The following DUSP8 variants were observed in gnomAD, a reference collection of about 807,000 sequenced individuals.
The protein encoded by DUSP8 is dual specificity protein phosphatase 8.
Under a neutral mutation model 38.7 loss-of-function variants are expected in DUSP8, and 15 were observed. The observed-to-expected ratio is 0.39, with a 90% CI of 0.26 to 0.60. The LOEUF (loss-of-function observed/expected upper bound fraction) is 0.60. DUSP8 is among the 20% of genes least tolerant of loss of function. DUSP8 has a pLI of 0.56. For synonymous variants in DUSP8, 458 were observed against 433.9 expected (o/e 1.06, Z -0.69); for missense variants, 768 against 915.0 (o/e 0.84, Z 2.07).
chr11:1,554,620 G>A lies in DUSP8; in HGVS notation c.*1898C>T. On this transcript the variant is annotated 3_prime_UTR_variant, in exon 7 of 7. Transcript: ENST00000397374. ...AGACAGCCCCCCTCAACGGCCTGCA[G>A]AAGGGACAAGGGGAAGGGGGAAGGG... The A allele has an allele frequency of 2.0e-6, 2 of 987,138 alleles. No homozygotes were observed. Among genetic ancestry groups the A allele is most frequent in the Non-Finnish European group, 2.4e-6 (2 of 829,444 alleles). 61.1% of individuals were successfully genotyped at this position (987,138 alleles called of 1,614,324 possible).
In DUSP8 at chr11:1,557,472, G is replaced by A. The variant is rs759328894; in HGVS notation, c.924C>T (p.Gly308=). 36 of 1,565,452 alleles carry A rather than the reference G, an allele frequency of 2.3e-5. No individual in the cohort carries two copies. The highest frequency in any genetic ancestry group is 2.9e-5 in the Non-Finnish European group (34 of 1,166,984). ...RSLKLLAALQ[G]DPGTPSGTPE... ...GCGTCCCTGAGGGGGTGCCCGGGTC[G>A]CCCTGCAGGGCGGCCAGCAGCTTCA... The change falls in exon 7 of 7, where the codon GGC becomes GGT. Residue 308 remains glycine (G), a synonymous_variant. Transcript: ENST00000397374. The surrounding 1 kb of genome is among the most constrained non-coding windows in gnomAD (Gnocchi z 9.9).
Position 1,556,682 on chromosome 11 carries a change from C to T in DUSP8, c.1714G>A (p.Gly572Ser), listed in dbSNP as rs1456494283. Residue 572 changes from glycine (G) to serine (S), a missense_variant, in exon 7 of 7, where the codon GGC (glycine) becomes AGC (serine). Gly to Ser is a moderately conservative substitution (Grantham distance 56). Around this residue, in one of 3 missense-constraint regions of DUSP8, gnomAD observed 474 missense variants for 430.8 expected, o/e 1.10. Coordinates refer to ENST00000397374, the MANE Select transcript of DUSP8 (RefSeq NM_004420.3). The surrounding 1 kb of genome is among the most constrained non-coding windows in gnomAD (Gnocchi z 5.2). Reference sequence around the variant, plus strand: ...TCCGGGGCCGGCTCCTCGGGCCAGCCGGTCCGCGCGTCCCGGGGCTCAGCC... The same window carrying T: ...TCCGGGGCCGGCTCCTCGGGCCAGCTGGTCCGCGCGTCCCGGGGCTCAGCC... ...ARAEPRDART[G>S]WPEEPAPETQ... The T allele has an allele frequency of 8.3e-6, 11 of 1,325,596 alleles. No homozygotes were observed. In the Admixed American group the frequency reaches 9.8e-5, roughly 12 times the overall value. 82.1% of individuals were successfully genotyped at this position (1,325,596 alleles called of 1,614,324 possible). A position where few individuals can be genotyped will look rare whatever the true frequency, so the allele number is the denominator to read the frequency against.
intron 2 of DUSP8, 73 bp from the exon 3 acceptor site, chr11:1,564,062 G>T: frequency 2.2e-6 from 3 of 1,364,052 alleles, no homozygotes; most frequent in Non-Finnish European, 2.9e-6. Flanking sequence ...CAGATATGCT[G>T]GCTCAAGGGA....
Position 1,559,164 on chromosome 11 carries a change from C to T in DUSP8, c.371-109G>A, listed in dbSNP as rs528882163. 2.2e-5 allele frequency: 25 copies of T among 1,141,410 alleles called. No individual in the cohort carries two copies. In the South Asian group the frequency reaches 3.7e-4, roughly 17 times the overall value. The allele number at this position is 1,141,410 out of a possible 1,614,324, so 70.7% of individuals were successfully genotyped here. A position where few individuals can be genotyped will look rare whatever the true frequency, so the allele number is the denominator to read the frequency against. On this transcript the variant is annotated intron_variant, in intron 3 of 6. Coordinates refer to ENST00000397374, the MANE Select transcript of DUSP8 (RefSeq NM_004420.3). Reference sequence around the variant, plus strand: ...CCCATCTACTGCTGAGGATCAGTCACACCCAGCCCAGACCCGAGCCTGAGC... The same window carrying T: ...CCCATCTACTGCTGAGGATCAGTCATACCCAGCCCAGACCCGAGCCTGAGC...
At chr11:1,567,569 C>T (rs1260668670) in intron 1 of DUSP8, among the ~76,000 whole-genome samples, 2 of 152,248 alleles carry the variant, frequency 1.3e-5, no homozygotes, top group African/African-American at 4.8e-5. Flanking sequence ...CAAGCTTGGC[C>T]CCTGCCTGGC....
At position 1,556,692 on chromosome 11, in the gene DUSP8, G is replaced by C. The variant is rs1043491505; in HGVS notation, c.1704C>G (p.Asp568Glu). 5.4e-5 allele frequency: 70 copies of C among 1,289,094 alleles called. No individual in the cohort carries two copies. Among genetic ancestry groups the C allele is most frequent in the Admixed American group, 7.4e-5 (2 of 27,110 alleles). The allele number at this position is 1,289,094 out of a possible 1,614,324, so 79.9% of individuals were successfully genotyped here. Residue 568 changes from aspartate (D) to glutamate (E), a missense_variant, in exon 7 of 7, where the codon GAC becomes GAG. Physicochemically the swap from Asp to Glu is conservative, Grantham distance 45. Coordinates refer to ENST00000397374, the MANE Select transcript of DUSP8 (RefSeq NM_004420.3). The surrounding 1 kb of genome is among the most constrained non-coding windows in gnomAD (Gnocchi z 5.2). ...RREAARAEPR[D>E]ARTGWPEEPA... ...GCTCCTCGGGCCAGCCGGTCCGCGC[G>C]TCCCGGGGCTCAGCCCTCGCTGCCT...
At chr11:1,562,695 A>G (rs1391767254) in intron 3 of DUSP8, among the ~76,000 whole-genome samples, 1 of 151,010 alleles carries the variant, frequency 6.6e-6, no homozygotes, top group Non-Finnish European at 1.5e-5. Flanking sequence ...GCACATGCAC[A>G]CACACACATA....
rs1391875745 is a variant in DUSP8, at chr11:1,554,955, G to A, written c.*1563C>T. ...GGAGGGATGACAGGAACACAGAGCTGTGGGTGAAAAGAAGAACAAATAGAA... is the reference window on the plus strand; with the variant it reads ...GGAGGGATGACAGGAACACAGAGCTATGGGTGAAAAGAAGAACAAATAGAA... On this transcript the variant is annotated 3_prime_UTR_variant, in exon 7 of 7. Coordinates refer to ENST00000397374, the MANE Select transcript of DUSP8 (RefSeq NM_004420.3). The A allele has an allele frequency of 5.1e-6, 5 of 986,034 alleles. No individual in the cohort carries two copies. The highest frequency in any genetic ancestry group is 6.0e-6 in the Non-Finnish European group (5 of 830,224). 61.1% of individuals were successfully genotyped at this position (986,034 alleles called of 1,614,324 possible).
intron 3 of DUSP8, among the ~76,000 whole-genome samples, chr11:1,561,573 TG>T (rs1564934150): frequency 1.3e-5 from 2 of 152,102 alleles, no homozygotes; most frequent in Non-Finnish European, 2.9e-5. Context: ...GCAGCTGGAG[TG>T]GGGGAAGAGG....
At position 1,556,459 on chromosome 11, in the gene DUSP8, A is replaced by G. The variant is rs1848624753; in HGVS notation, c.*59T>C. ...CCATTTACCTTTCTTTGCATTATATATAATATACATTTATAACGGGCCTGG... is the reference window on the plus strand; with the variant it reads ...CCATTTACCTTTCTTTGCATTATATGTAATATACATTTATAACGGGCCTGG... On this transcript the variant is annotated 3_prime_UTR_variant, in exon 7 of 7. Coordinates refer to ENST00000397374, the MANE Select transcript of DUSP8 (RefSeq NM_004420.3). This position sits in a 1 kb window ranked among gnomAD's most constrained non-coding sequence, Gnocchi z 5.2. The G allele has an allele frequency of 8.1e-7, 1 of 1,231,102 alleles. No homozygotes were observed. The highest frequency in any genetic ancestry group is 1.0e-6 in the Non-Finnish European group (1 of 987,190). The allele number at this position is 1,231,102 out of a possible 1,614,324, so 76.3% of individuals were successfully genotyped here. A position where few individuals can be genotyped will look rare whatever the true frequency, so the allele number is the denominator to read the frequency against.
At chr11:1,564,231 T>C (rs1848766936) in intron 2 of DUSP8, among the ~76,000 whole-genome samples, 1 of 152,200 alleles carries the variant, frequency 6.6e-6, no homozygotes, top group African/African-American at 2.4e-5. Context: ...GGTGGACTCC[T>C]GCCCTGCGCA....
chr11:1,557,990 C>T lies in DUSP8; in HGVS notation c.698-73G>A, dbSNP rs1476328008. 3 of 1,610,104 alleles carry T rather than the reference C, an allele frequency of 1.9e-6. No homozygotes were observed. In the African/African-American group the frequency reaches 4.0e-5, roughly 22 times the overall value. On this transcript the variant is annotated intron_variant, in intron 5 of 6. Coordinates refer to ENST00000397374, the MANE Select transcript of DUSP8 (RefSeq NM_004420.3). This position sits in a 1 kb window ranked among gnomAD's most constrained non-coding sequence, Gnocchi z 9.9. ...CTTCTCCCTGGCCCAGGTAGGGGAC[C>T]CCACCCGCCCAACTGCCAACAGTTC...
chr11:1,565,376 G>A (rs1427246198), intron 2 of DUSP8, among the ~76,000 whole-genome samples: 3 of 152,204 alleles, frequency 2.0e-5, no homozygotes, highest in African/African-American at 7.2e-5. Context: ...GGGTAGGGAA[G>A]GGTGCTGCGG....
In DUSP8 at chr11:1,572,017, G is replaced by T. The variant is rs1590811262; in HGVS notation, c.-225C>A. On this transcript the variant is annotated 5_prime_UTR_variant, in exon 1 of 7. Coordinates refer to ENST00000397374, the MANE Select transcript of DUSP8 (RefSeq NM_004420.3). The surrounding 1 kb of genome is among the most constrained non-coding windows in gnomAD (Gnocchi z 4.7). ...CCGCGCAGCCGGGGCAGGGGCCGGG[G>T]GAGCGCGCGGGCCGCGTCGCCGTCG... 1 of 145,520 alleles carries T rather than the reference G, an allele frequency of 6.9e-6. No homozygotes were observed. Among genetic ancestry groups the T allele is most frequent in the South Asian group, 2.1e-4 (1 of 4,752 alleles). 9.0% of individuals were successfully genotyped at this position (145,520 alleles called of 1,614,324 possible). A position where few individuals can be genotyped will look rare whatever the true frequency, so the allele number is the denominator to read the frequency against.
chr11:1,569,573 G>A (rs1848857028), intron 1 of DUSP8, among the ~76,000 whole-genome samples: 1 of 152,090 alleles, frequency 6.6e-6, no homozygotes, highest in African/African-American at 2.4e-5. Context: ...TCCAGTACCC[G>A]AGGGGTCAGC....
chr11:1,555,939 G>A lies in DUSP8; in HGVS notation c.*579C>T, dbSNP rs1031515024. 3.9e-5 allele frequency: 6 copies of A among 152,250 alleles called. No homozygotes were observed. Among genetic ancestry groups the A allele is most frequent in the African/African-American group, 1.4e-4 (6 of 41,434 alleles). The allele number at this position is 152,250 out of a possible 1,614,324, so 9.4% of individuals were successfully genotyped here. On this transcript the variant is annotated 3_prime_UTR_variant, in exon 7 of 7. Coordinates refer to ENST00000397374, the MANE Select transcript of DUSP8 (RefSeq NM_004420.3). ...GCTCTGGGGCAACGGGCAGCGGGGT[G>A]CCCTCCTTGCCACCAAGATTTGGTG...
chr11:1,557,250 G>A lies in DUSP8; in HGVS notation c.1146C>T (p.Asp382=). ...TGAGGCGGTTAGTGTCCTGCAGGCG[G>A]TCCGAGGAGAGGTGCAGGCCGCGCA... ...QGLRGLHLSS[D]RLQDTNRLKR... The change falls in exon 7 of 7, where the codon GAC becomes GAT. Residue 382 remains aspartate, a synonymous_variant. Coordinates refer to ENST00000397374, the MANE Select transcript of DUSP8 (RefSeq NM_004420.3). This position sits in a 1 kb window ranked among gnomAD's most constrained non-coding sequence, Gnocchi z 9.9. 2.7e-6 allele frequency: 4 copies of A among 1,494,854 alleles called. No individual in the cohort carries two copies. The highest frequency in any genetic ancestry group is 3.6e-6 in the Non-Finnish European group (4 of 1,125,078). The allele number at this position is 1,494,854 out of a possible 1,614,324, so 92.6% of individuals were successfully genotyped here.
In DUSP8 at chr11:1,572,083, G is replaced by C. The variant is rs892442447; in HGVS notation, c.-291C>G. On this transcript the variant is annotated 5_prime_UTR_variant, in exon 1 of 7. Transcript: ENST00000397374. The surrounding 1 kb of genome is among the most constrained non-coding windows in gnomAD (Gnocchi z 4.7). Reference sequence around the variant, plus strand: ...CCAACGCCGCGGGGAGCGCTCGCTCGGGCCGGGGCGCGCGCACTGCGGGCG... The same window carrying C: ...CCAACGCCGCGGGGAGCGCTCGCTCCGGCCGGGGCGCGCGCACTGCGGGCG... Among the ~76,000 whole-genome samples, 7 of 145,302 alleles carry C rather than the reference G, an allele frequency of 4.8e-5. No homozygotes were observed. Among genetic ancestry groups the C allele is most frequent in the African/African-American group, 1.7e-4 (7 of 40,558 alleles).
upstream of DUSP8, among the ~76,000 whole-genome samples, chr11:1,572,429 C>CGGGG (rs746042981): frequency 3.4e-5 from 1 of 29,470 alleles, no homozygotes; most frequent in Admixed American, 3.2e-4. The surrounding 1 kb of genome is among the most constrained non-coding windows in gnomAD (Gnocchi z 4.7). Flanking sequence ...GCGGCTGCCG[C>CGGGG]GGGGGGGGGG....
Sources: allele counts gnomAD v4.1 joint callset (sites outside exome capture counted in the v4.1 genomes callset), GRCh38; gene constraint gnomAD v4.1.1; regional missense constraint gnomAD v4.1.1; non-coding constraint Gnocchi (gnomAD v3.1); transcripts MANE v1.5; gene names NCBI Gene and HGNC (gene_info 2026-07-23, HGNC 2026-07-21).